Variants in ZNF385D observed in about 807,000 individuals in gnomAD.
ZNF385D encodes the protein zinc finger protein 385D, also known as zinc finger protein 659.
A neutral mutation model predicts 35.8 loss-of-function variants in ZNF385D; 15 were observed. The ratio of observed to expected loss-of-function variants is 0.42; its 90% CI spans 0.28 to 0.64. The LOEUF (loss-of-function observed/expected upper bound fraction) is 0.64. Among genes scored for constraint, ZNF385D ranks in the 30% least tolerant of loss-of-function variants. ZNF385D has a pLI of 0.23. For missense variants in ZNF385D, 474 were observed against 494.6 expected (o/e 0.96, Z 0.39); for synonymous variants, 212 against 186.8 (o/e 1.13, Z -1.10).
chr3:21,973,760 G>C (rs1169701947), intron 3 of ZNF385D, among the ~76,000 whole-genome samples: 1 of 151,790 alleles, frequency 6.6e-6, no homozygotes. Flanking sequence ...GCAAAAATCA[G>C]TACCATTTCT....
intron 3 of ZNF385D, among the ~76,000 whole-genome samples, chr3:21,780,820 C>T (rs777241154): frequency 5.3e-5 from 8 of 152,016 alleles, no homozygotes; most frequent in Non-Finnish European, 1.0e-4. Flanking sequence ...ATACCAGCAA[C>T]AACAAAAGCA....
rs536066138 is a variant in ZNF385D, at chr3:21,567,499, T to A, written c.166-2815A>T. ...ATAGCCCTCATTCTGTTCTCTAGGATCATTCTATCACATCTATAAAAACAA... is the reference window on the plus strand; with the variant it reads ...ATAGCCCTCATTCTGTTCTCTAGGAACATTCTATCACATCTATAAAAACAA... On this transcript the variant is annotated intron_variant, in intron 2 of 7. Transcript: ENST00000281523. 2.6e-5 allele frequency among the ~76,000 whole-genome samples: 4 copies of A among 152,224 alleles called. No homozygotes were observed. In the South Asian group the frequency reaches 8.3e-4, roughly 32 times the overall value.
At chr3:21,928,724 C>G (rs1380133940) in intron 3 of ZNF385D, among the ~76,000 whole-genome samples, 1 of 151,972 alleles carries the variant, frequency 6.6e-6, no homozygotes, top group African/African-American at 2.4e-5. Flanking sequence ...ATGCCAACAC[C>G]TAGACATTTA....
At chr3:22,339,021 G>T (rs141694879) in intron 2 of ZNF385D, among the ~76,000 whole-genome samples, 111 of 151,982 alleles carry the variant, frequency 7.3e-4, no homozygotes, top group African/African-American at 2.5e-3. Context: ...TTTTAAAAAA[G>T]AAAACATTGA....
At chr3:21,784,633 C>G (rs1207568680) in intron 3 of ZNF385D, among the ~76,000 whole-genome samples, 4 of 149,316 alleles carry the variant, frequency 2.7e-5, no homozygotes, top group Non-Finnish European at 4.4e-5. Context: ...ATAAATAGTA[C>G]TTTAATTAAT....
intron 3 of ZNF385D, among the ~76,000 whole-genome samples, chr3:22,127,074 G>T (rs1209265738): frequency 6.6e-6 from 1 of 151,826 alleles, no homozygotes; most frequent in Admixed American, 6.6e-5. Flanking sequence ...GTCTTTACAG[G>T]TGAAATGTGT....
intron 3 of ZNF385D, among the ~76,000 whole-genome samples, chr3:21,864,768 T>C (rs1697243591): frequency 6.6e-6 from 1 of 152,118 alleles, no homozygotes; most frequent in Non-Finnish European, 1.5e-5. Flanking sequence ...TTTAATTCTA[T>C]TCATTGTCTC....
At chr3:22,331,839 A>T (rs1694949111) in intron 2 of ZNF385D, among the ~76,000 whole-genome samples, 1 of 152,204 alleles carries the variant, frequency 6.6e-6, no homozygotes, top group Non-Finnish European at 1.5e-5. Context: ...TAATCATCAG[A>T]TTCAAAACTG....
intron 2 of ZNF385D, among the ~76,000 whole-genome samples, chr3:22,328,415 T>C (rs575475925): frequency 3.3e-5 from 5 of 152,324 alleles, no homozygotes; most frequent in South Asian, 2.1e-4. Context: ...TAAGTATACA[T>C]TGAACACCTG....
chr3:21,886,301 T>A (rs1210349822), intron 3 of ZNF385D, among the ~76,000 whole-genome samples: 1 of 152,068 alleles, frequency 6.6e-6, no homozygotes, highest in Non-Finnish European at 1.5e-5. Context: ...AGATGTGTCT[T>A]GTACTTAATT....
intron 2 of ZNF385D, among the ~76,000 whole-genome samples, chr3:21,583,967 T>TTTAC (rs2063739861): frequency 9.7e-6 from 1 of 103,074 alleles, no homozygotes; most frequent in Admixed American, 9.2e-5. Context: ...TACTTATTTA[T>TTTAC]TTATTTATTT....
intron 3 of ZNF385D, among the ~76,000 whole-genome samples, chr3:22,064,048 T>C (rs1041988306): frequency 1.1e-4 from 16 of 152,332 alleles, no homozygotes; most frequent in Admixed American, 5.9e-4. Flanking sequence ...ACATTTTTTA[T>C]TGTAGTGCAC....
chr3:22,314,741 T>C (rs2125434838), intron 2 of ZNF385D, among the ~76,000 whole-genome samples: 1 of 152,216 alleles, frequency 6.6e-6, no homozygotes, highest in East Asian at 1.9e-4. Flanking sequence ...TAGTTTAAGT[T>C]TGAGTAGACC....
At chr3:22,108,086 G>C (rs558580718) in intron 3 of ZNF385D, among the ~76,000 whole-genome samples, 6 of 151,738 alleles carry the variant, frequency 4.0e-5, no homozygotes, top group Non-Finnish European at 8.8e-5. Flanking sequence ...CTCCAGAACT[G>C]TGAGAAATAA....
chr3:21,648,385 C>T lies in ZNF385D; in HGVS notation c.165+16501G>A, dbSNP rs973198212. Among the ~76,000 whole-genome samples, 9 of 152,132 alleles carry T rather than the reference C, an allele frequency of 5.9e-5. 1 individual carries two copies. The highest frequency in any genetic ancestry group is 5.2e-4 in the Admixed American group (8 of 15,266). ...CATGTGGAACTGAGAATCAATTAAA[C>T]CTCTTTTCTTTATGTTACCCAGTCT... On this transcript the variant is annotated intron_variant, in intron 2 of 7. Transcript: ENST00000281523.
intron 1 of ZNF385D, among the ~76,000 whole-genome samples, chr3:21,734,953 T>A (rs1303758733): frequency 6.6e-6 from 1 of 152,142 alleles, no homozygotes; most frequent in Non-Finnish European, 1.5e-5. Flanking sequence ...GACTTGATCA[T>A]GCCTTTGGGA....
At chr3:22,214,348 T>C (rs1448313048) in intron 2 of ZNF385D, among the ~76,000 whole-genome samples, 2 of 152,064 alleles carry the variant, frequency 1.3e-5, no homozygotes, top group Non-Finnish European at 2.9e-5. Context: ...GATAATTGCA[T>C]TAACTGCACA....
intron 1 of ZNF385D, among the ~76,000 whole-genome samples, chr3:21,724,620 C>T (rs982254328): frequency 6.7e-6 from 1 of 148,782 alleles, no homozygotes; most frequent in African/African-American, 2.5e-5. Flanking sequence ...ATCAATGCAA[C>T]AAGAAGAGCT....
At chr3:21,478,122 G>A (rs1704367121) in intron 4 of ZNF385D, among the ~76,000 whole-genome samples, 1 of 152,050 alleles carries the variant, frequency 6.6e-6, no homozygotes, top group African/African-American at 2.4e-5. Context: ...CAATATCCAT[G>A]AAAGAAAAGA....
Sources: gnomAD v4.1 joint callset for allele counts (sites outside exome capture counted in the v4.1 genomes callset) on GRCh38, gnomAD v4.1.1 for gene constraint, MANE v1.5 for transcripts, NCBI Gene and HGNC (gene_info 2026-07-23, HGNC 2026-07-21) for gene names.